The following PTPRD variants were observed in gnomAD, a reference collection of about 807,000 sequenced individuals.
The protein encoded by PTPRD is protein tyrosine phosphatase receptor type D.
In PTPRD, 34 loss-of-function variants were observed where a neutral mutation model predicts 214.5. That is an observed-to-expected ratio of 0.16 (90% CI 0.12 to 0.21). The LOEUF (loss-of-function observed/expected upper bound fraction) is 0.21, where lower values mean the gene tolerates loss of function less well. Among genes scored for constraint, PTPRD ranks in the 10% least tolerant of loss-of-function variants. The probability of loss-of-function intolerance (pLI) is 1.00; values close to 1 mark genes in which losing one functional copy is unlikely to be tolerated. For missense variants in PTPRD, 2,545 were observed against 2,398.7 expected, an observed-to-expected ratio of 1.06 and a Z score of -1.27; for synonymous variants, 1,128 against 845.7, an observed-to-expected ratio of 1.33 and a Z score of -5.79.
At chr9:9,583,162 C>T (rs652565) in intron 7 of PTPRD, among the ~76,000 whole-genome samples, 3 of 151,470 alleles carry the variant, frequency 2.0e-5, no homozygotes, top group African/African-American at 7.3e-5. Context: ...TCTAAATAAA[C>T]TTTCATACTC....
At chr9:9,840,761 C>CAAAAAAAAA (rs59780411) in intron 5 of PTPRD, among the ~76,000 whole-genome samples, 21 of 61,614 alleles carry the variant, frequency 3.4e-4, no homozygotes, top group Non-Finnish European at 4.2e-4. Flanking sequence ...GACTCCGTTT[C>CAAAAAAAAA]AAAAAAAAAA....
intron 5 of PTPRD, among the ~76,000 whole-genome samples, chr9:9,804,029 C>G (rs1455696104): frequency 6.6e-6 from 1 of 152,074 alleles, no homozygotes; most frequent in East Asian, 1.9e-4. Flanking sequence ...ATGTTAAAAT[C>G]TACATTATCA....
chr9:9,890,572 C>A (rs562552793), intron 5 of PTPRD, among the ~76,000 whole-genome samples: 8 of 152,076 alleles, frequency 5.3e-5, no homozygotes, highest in African/African-American at 1.7e-4. Context: ...TCCTCATTTA[C>A]ATAATATGCC....
chr9:9,784,498 C>A (rs1043563140), intron 5 of PTPRD, among the ~76,000 whole-genome samples: 6 of 152,138 alleles, frequency 3.9e-5, no homozygotes, highest in Middle Eastern at 3.4e-3. Flanking sequence ...TTACTACTTT[C>A]TTTTTCCTGT....
intron 30 of PTPRD, among the ~76,000 whole-genome samples, chr9:8,483,480 C>T (rs1190810777): frequency 2.0e-5 from 3 of 152,086 alleles, no homozygotes; most frequent in African/African-American, 7.2e-5. Flanking sequence ...TAGCCGGGCG[C>T]GGTGGCTCAT....
At chr9:10,556,801 G>A (rs2062710401) in intron 2 of PTPRD, among the ~76,000 whole-genome samples, 1 of 151,986 alleles carries the variant, frequency 6.6e-6, no homozygotes, top group Middle Eastern at 3.2e-3. Flanking sequence ...CGGGAAGATG[G>A]ATTGGTACAA....
At position 8,765,102 on chromosome 9, in the gene PTPRD, T is replaced by C. The variant is rs572717124; in HGVS notation, c.-103-31156A>G. ...GGCCAGGAAGTGAAATAAAACGCCC[T>C]TTGAGCAGAAAGTACAAATTTTGCA... On this transcript the variant is annotated intron_variant, in intron 11 of 45. Transcript: ENST00000381196. Among the ~76,000 whole-genome samples, 215 of 152,240 alleles carry C rather than the reference T, an allele frequency of 1.4e-3. No individual in the cohort carries two copies. In the Middle Eastern group the frequency reaches 0.031, roughly 22 times the overall value.
intron 8 of PTPRD, among the ~76,000 whole-genome samples, chr9:9,560,864 C>CA: frequency 6.6e-6 from 1 of 152,288 alleles, no homozygotes; most frequent in East Asian, 1.9e-4. Context: ...CACAGCTGTG[C>CA]AGCAGGTTCT....
intron 3 of PTPRD, among the ~76,000 whole-genome samples, chr9:10,336,722 A>G (rs1947070347): frequency 6.6e-6 from 1 of 151,606 alleles, no homozygotes; most frequent in Non-Finnish European, 1.5e-5. Context: ...AAGTCGACAA[A>G]TAACAATCGG....
intron 10 of PTPRD, among the ~76,000 whole-genome samples, chr9:9,024,232 T>G (rs554981602): frequency 2.3e-4 from 35 of 151,974 alleles, no homozygotes; most frequent in African/African-American, 7.9e-4. Flanking sequence ...ATAATGTGAA[T>G]GTTTTCCTAC....
At chr9:10,329,886 A>G (rs2096718121) in intron 3 of PTPRD, among the ~76,000 whole-genome samples, 1 of 151,848 alleles carries the variant, frequency 6.6e-6, no homozygotes, top group East Asian at 1.9e-4. Flanking sequence ...TGTCATGTAT[A>G]AAAAATTACT....
intron 3 of PTPRD, among the ~76,000 whole-genome samples, chr9:10,296,608 C>T: frequency 6.6e-6 from 1 of 152,206 alleles, no homozygotes; most frequent in South Asian, 2.1e-4. Flanking sequence ...TACTCTACTC[C>T]TTGCCTCAGT....
At chr9:8,643,435 G>C (rs540810709) in intron 12 of PTPRD, among the ~76,000 whole-genome samples, 2 of 152,312 alleles carry the variant, frequency 1.3e-5, no homozygotes, top group East Asian at 3.9e-4. Flanking sequence ...GAGTCACTGA[G>C]GTTATGAGTG....
In PTPRD at chr9:10,049,868, G is replaced by A. The variant is rs117537598; in HGVS notation, c.-544-16078C>T. On this transcript the variant is annotated intron_variant, in intron 3 of 45. Transcript: ENST00000381196. ...ACATTTACACCTGACAAGGGACTTT[G>A]GTGTGAGACAGTTAGTCAAGTTTCA... Among the ~76,000 whole-genome samples, 1,000 of 152,260 alleles carry A rather than the reference G, an allele frequency of 6.6e-3. 11 individuals are homozygous for A. Among genetic ancestry groups the A allele is most frequent in the South Asian group, 0.039 (189 of 4,818 alleles).
chr9:9,969,812 T>A (rs939806445), intron 4 of PTPRD, among the ~76,000 whole-genome samples: 1 of 152,210 alleles, frequency 6.6e-6, no homozygotes, highest in Non-Finnish European at 1.5e-5. Context: ...TTTTAAAAAA[T>A]TAACATGTCT....
intron 14 of PTPRD, among the ~76,000 whole-genome samples, chr9:8,583,284 G>C (rs1031657879): frequency 2.7e-5 from 4 of 146,186 alleles, no homozygotes; most frequent in Non-Finnish European, 5.9e-5. Context: ...ACAGGCCAGA[G>C]ACCAGTAATG....
chr9:9,582,072 C>T (rs1297354898), intron 7 of PTPRD, among the ~76,000 whole-genome samples: 1 of 152,092 alleles, frequency 6.6e-6, no homozygotes, highest in Non-Finnish European at 1.5e-5. Context: ...ATTCCAAAAT[C>T]TAGCTTGAGA....
chr9:10,218,687 T>G (rs2099552544), intron 3 of PTPRD, among the ~76,000 whole-genome samples: 1 of 151,828 alleles, frequency 6.6e-6, no homozygotes, highest in South Asian at 2.1e-4. Flanking sequence ...TATACTCCAT[T>G]AATAGACATA....
At chr9:9,518,907 C>T (rs1195298238) in intron 8 of PTPRD, among the ~76,000 whole-genome samples, 1 of 151,964 alleles carries the variant, frequency 6.6e-6, no homozygotes, top group Non-Finnish European at 1.5e-5. Context: ...TTTGCTCTCT[C>T]TTCTCCATAC....
Sources: gnomAD v4.1 joint callset for allele counts (sites outside exome capture counted in the v4.1 genomes callset) on GRCh38, gnomAD v4.1.1 for gene constraint, MANE v1.5 for transcripts, NCBI Gene and HGNC (gene_info 2026-07-23, HGNC 2026-07-21) for gene names.